ERBB4: variants seen among roughly 807,000 people sequenced by gnomAD.
ERBB4 encodes receptor tyrosine-protein kinase erbB-4.
A neutral mutation model predicts 158.0 loss-of-function variants in ERBB4; 42 were observed. That is an observed-to-expected ratio of 0.27 (90% CI 0.21 to 0.34). The LOEUF is 0.34. ERBB4 is among the 10% of genes least tolerant of loss of function. The pLI is 1.00. For missense variants in ERBB4, 1,333 were observed against 1,624.1 expected (o/e 0.82, Z 3.08); for synonymous variants, 583 against 558.7 (o/e 1.04, Z -0.61).
chr2:212,509,794 T>C (rs1691404568), intron 1 of ERBB4, among the ~76,000 whole-genome samples: 3 of 151,938 alleles, frequency 2.0e-5, no homozygotes, highest in Admixed American at 2.0e-4. Flanking sequence ...ATTAGATGTA[T>C]AAAAAGCTGT....
intron 1 of ERBB4, among the ~76,000 whole-genome samples, chr2:212,225,643 ATAT>A (rs2083445943): frequency 8.2e-6 from 1 of 122,320 alleles, no homozygotes; most frequent in Non-Finnish European, 1.9e-5. Flanking sequence ...TAATATTTAT[ATAT>A]TATATCACAT....
At chr2:211,505,675 CAG>C (rs2065727514) in intron 20 of ERBB4, among the ~76,000 whole-genome samples, 1 of 152,068 alleles carries the variant, frequency 6.6e-6, no homozygotes, top group Non-Finnish European at 1.5e-5. Flanking sequence ...AAGTTATAGA[CAG>C]GGGCTGGGCA....
chr2:212,224,561 A>C (rs112872872), intron 1 of ERBB4, among the ~76,000 whole-genome samples: 149 of 152,096 alleles, frequency 9.8e-4, no homozygotes, highest in Non-Finnish European at 1.9e-3. Flanking sequence ...TATTCTTCAC[A>C]CACACAAGAA....
chr2:211,936,866 T>C lies in ERBB4; in HGVS notation c.421+10564A>G, dbSNP rs368272445. 4.6e-5 allele frequency among the ~76,000 whole-genome samples: 7 copies of C among 152,254 alleles called. No homozygotes were observed. The East Asian group carries it at 1.3e-3, about 29-fold the overall frequency. ...GCCAAAAAGTGTTGGGCCATGCAAA[T>C]TCTCATTTATCTATTTCCTGATAGA... On this transcript the variant is annotated intron_variant, in intron 3 of 27. Coordinates refer to ENST00000342788, the MANE Select transcript of ERBB4 (RefSeq NM_005235.3).
At chr2:212,357,079 C>T (rs753759219) in intron 1 of ERBB4, among the ~76,000 whole-genome samples, 16 of 151,774 alleles carry the variant, frequency 1.1e-4, no homozygotes, top group Non-Finnish European at 2.1e-4. Context: ...ACATAAGTGT[C>T]TTATCCTTCA....
chr2:212,049,050 C>T (rs1416223205), intron 2 of ERBB4, among the ~76,000 whole-genome samples: 1 of 152,198 alleles, frequency 6.6e-6, no homozygotes, highest in Non-Finnish European at 1.5e-5. Flanking sequence ...TATCCAGACT[C>T]ATGACCAAAT....
chr2:212,062,399 C>CTTTTTTT (rs199535512), intron 2 of ERBB4, among the ~76,000 whole-genome samples: 1 of 81,300 alleles, frequency 1.2e-5, no homozygotes, highest in Non-Finnish European at 2.5e-5. Flanking sequence ...CTTGTCAATT[C>CTTTTTTT]TTTTTTTTTT....
chr2:211,537,629 C>G (rs1363759000), intron 20 of ERBB4, among the ~76,000 whole-genome samples: 4 of 151,942 alleles, frequency 2.6e-5, no homozygotes, highest in Admixed American at 2.6e-4. Flanking sequence ...ACTGTATTTC[C>G]CTTAAGTACA....
intron 4 of ERBB4, among the ~76,000 whole-genome samples, chr2:211,760,987 C>A (rs546621119): frequency 2.0e-5 from 3 of 152,098 alleles, no homozygotes; most frequent in Non-Finnish European, 4.4e-5. Flanking sequence ...AGGCGGATCA[C>A]GAGGTCAGGA....
intron 1 of ERBB4, among the ~76,000 whole-genome samples, chr2:212,226,873 C>T (rs7560301): frequency 0.38 from 58,158 of 151,932 alleles, 12,942 homozygotes; most frequent in East Asian, 0.76. Flanking sequence ...TATCATATAC[C>T]TCCTTTAAGC....
At chr2:211,613,483 C>G (rs1180940781) in intron 19 of ERBB4, among the ~76,000 whole-genome samples, 1 of 151,902 alleles carries the variant, frequency 6.6e-6, no homozygotes, top group Non-Finnish European at 1.5e-5. Context: ...AGACAACCTA[C>G]AAAATGGGAG....
At chr2:212,139,860 G>A (rs143009866) in intron 1 of ERBB4, among the ~76,000 whole-genome samples, 253 of 151,894 alleles carry the variant, frequency 1.7e-3, no homozygotes, top group African/African-American at 5.1e-3. Flanking sequence ...CACCTTTTCC[G>A]AACATGACTC....
At position 212,473,151 on chromosome 2, in the gene ERBB4, G is replaced by A. The variant is rs1221363449; in HGVS notation, c.82+65298C>T. 2.0e-5 allele frequency among the ~76,000 whole-genome samples: 3 copies of A among 151,938 alleles called. No individual in the cohort carries two copies. The South Asian group carries it at 6.2e-4, about 32-fold the overall frequency. ...TTGTTTTGATTTTATATATATTATTGTTAATAAGCATTAACATTGCTAATT... is the reference window on the plus strand; with the variant it reads ...TTGTTTTGATTTTATATATATTATTATTAATAAGCATTAACATTGCTAATT... On this transcript the variant is annotated intron_variant, in intron 1 of 27. Coordinates refer to ENST00000342788, the MANE Select transcript of ERBB4 (RefSeq NM_005235.3).
intron 3 of ERBB4, among the ~76,000 whole-genome samples, chr2:211,822,060 ACT>A (rs1215270097): frequency 6.6e-6 from 1 of 151,960 alleles, no homozygotes; most frequent in Non-Finnish European, 1.5e-5. Context: ...AGAAAGTTAA[ACT>A]CTGCATGATC....
chr2:211,984,994 G>A (rs757294632), intron 2 of ERBB4, among the ~76,000 whole-genome samples: 5 of 152,054 alleles, frequency 3.3e-5, no homozygotes, highest in Admixed American at 2.0e-4. Context: ...GGCCCACGGC[G>A]CCTGGCCTGG....
intron 20 of ERBB4, among the ~76,000 whole-genome samples, chr2:211,488,800 C>T (rs188719231): frequency 1.6e-4 from 25 of 152,074 alleles, no homozygotes; most frequent in African/African-American, 4.6e-4. Flanking sequence ...GAAATGAAAT[C>T]TCAGACATTG....
chr2:211,620,503 T>C (rs1264900340), intron 18 of ERBB4, among the ~76,000 whole-genome samples: 2 of 152,144 alleles, frequency 1.3e-5, no homozygotes, highest in African/African-American at 4.8e-5. Flanking sequence ...TAAAACATAG[T>C]AACAATAATA....
At chr2:211,797,257 C>G (rs1227058408) in intron 3 of ERBB4, among the ~76,000 whole-genome samples, 1 of 151,844 alleles carries the variant, frequency 6.6e-6, no homozygotes, top group East Asian at 1.9e-4. Flanking sequence ...GTTTTCATTA[C>G]CAATAAGGGG....
chr2:211,386,482 G>C (rs910745134), intron 27 of ERBB4, among the ~76,000 whole-genome samples: 2 of 152,044 alleles, frequency 1.3e-5, no homozygotes, highest in Admixed American at 1.3e-4. Context: ...TCTGATCTCC[G>C]CAATTAAGTC....
Sources: allele counts gnomAD v4.1 joint callset (sites outside exome capture counted in the v4.1 genomes callset), GRCh38; gene constraint gnomAD v4.1.1; transcripts MANE v1.5; gene names NCBI Gene and HGNC (gene_info 2026-07-23, HGNC 2026-07-21).